Variants in KIF2A observed in about 807,000 individuals in gnomAD.
KIF2A encodes the protein kinesin family member 2A.
Under a neutral mutation model 100.2 loss-of-function variants are expected in KIF2A, and 22 were observed. The observed-to-expected ratio is 0.22, with a 90% confidence interval of 0.16 to 0.31. The LOEUF (loss-of-function observed/expected upper bound fraction) is 0.31, where lower values mean the gene tolerates loss of function less well. Among genes scored for constraint, KIF2A ranks in the 10% least tolerant of loss-of-function variants. The pLI, the probability that KIF2A is intolerant of heterozygous loss-of-function variation, is 1.00. For synonymous variants in KIF2A, 268 were observed against 285.9 expected (o/e 0.94, Z 0.63); for missense variants, 495 against 898.7 (o/e 0.55, Z 5.74).
intron 1 of KIF2A, among the ~76,000 whole-genome samples, chr5:62,337,920 G>C (rs1234925599): frequency 6.6e-6 from 1 of 152,056 alleles, no homozygotes; most frequent in East Asian, 1.9e-4. Flanking sequence ...ATTCCAGTCA[G>C]AATCCCAATA....
chr5:62,351,653 A>G (rs1368046048), intron 4 of KIF2A, among the ~76,000 whole-genome samples: 1 of 151,984 alleles, frequency 6.6e-6, no homozygotes, highest in Non-Finnish European at 1.5e-5. Flanking sequence ...ATGTAAATTT[A>G]TATTTCTTTT....
At chr5:62,353,535 A>T (rs1009986690) in intron 6 of KIF2A, among the ~76,000 whole-genome samples, 160 bp downstream of exon 6, 1 of 152,138 alleles carries the variant, frequency 6.6e-6, no homozygotes, top group Admixed American at 6.5e-5. Flanking sequence ...TCTTGTGCAA[A>T]TAAGTTACCG....
At chr5:62,383,866 A>G (rs921594108) in intron 20 of KIF2A, among the ~76,000 whole-genome samples, 2 of 152,170 alleles carry the variant, frequency 1.3e-5, no homozygotes, top group South Asian at 2.1e-4. Context: ...AAGCATATCC[A>G]TAACTTTTAA....
intron 20 of KIF2A, among the ~76,000 whole-genome samples, chr5:62,382,634 G>GTTT (rs35714674): frequency 5.2e-5 from 7 of 134,798 alleles, no homozygotes; most frequent in Admixed American, 7.6e-5. Context: ...CAGGTTTCAG[G>GTTT]TTTTTTTTTT....
In KIF2A at chr5:62,377,754, G is replaced by A; in HGVS notation, c.2005G>A (p.Val669Met). The A allele has an allele frequency of 6.6e-7, 1 of 1,512,492 alleles. No homozygotes were observed. Among genetic ancestry groups the A allele is most frequent in the Non-Finnish European group, 9.0e-7 (1 of 1,115,488 alleles). The allele number at this position is 1,512,492 out of a possible 1,614,324, so 93.7% of individuals were successfully genotyped here. ...EEQVVEDHRAVFQESIRWLED... is the reference protein window; with the variant it reads ...EEQVVEDHRAMFQESIRWLED... The stretch of plus-strand genomic sequence containing the variant: ...ACAAGTTGTAGAAGATCACAGGGCA[G>A]TGTTCCAGGTAAAGTAAGACAGGAC... The change falls in exon 19 of 21, where the codon GTG becomes ATG. Residue 669 changes from valine to methionine, a missense_variant. Physicochemically the swap from Val to Met is conservative, Grantham distance 21 (BLOSUM62 1). Around this residue, in one of 10 missense-constraint regions of KIF2A, gnomAD observed 58 missense variants for 94.8 expected, o/e 0.61. Coordinates refer to ENST00000407818, the MANE Select transcript of KIF2A (RefSeq NM_001098511.3).
At chr5:62,318,934 C>G (rs1283622569) in intron 1 of KIF2A, among the ~76,000 whole-genome samples, 1 of 152,166 alleles carries the variant, frequency 6.6e-6, no homozygotes, top group Non-Finnish European at 1.5e-5. Context: ...ATTTCTCATT[C>G]ACTCTATTGC....
intron 1 of KIF2A, among the ~76,000 whole-genome samples, chr5:62,339,323 C>G (rs1056093690): frequency 6.6e-6 from 1 of 151,266 alleles, no homozygotes; most frequent in Non-Finnish European, 1.5e-5. Context: ...TGGTGCTAAA[C>G]CATTCATGAG....
At chr5:62,361,179 A>C (rs1185918335) in intron 9 of KIF2A, 63 bp from the exon 10 acceptor site, 6 of 794,400 alleles carry the variant, frequency 7.6e-6, no homozygotes, top group Non-Finnish European at 1.2e-5. Flanking sequence ...TGTATTACTC[A>C]GCATTACTAT....
At chr5:62,307,131 C>CT (rs386403932) in intron 1 of KIF2A, 1 of 2,558 alleles carries the variant, frequency 3.9e-4, no homozygotes, top group Non-Finnish European at 1.2e-3. Context: ...TTTGCCACTT[C>CT]TTGGGAGAAA....
chr5:62,353,193 G>T (rs1747942432), intron 5 of KIF2A, 82 bp from the exon 6 acceptor site: 4 of 643,796 alleles, frequency 6.2e-6, no homozygotes, highest in Admixed American at 3.6e-5. Flanking sequence ...TGTGTGTGTG[G>T]TGAAGTTATA....
chr5:62,386,384 G>A lies in KIF2A; in HGVS notation c.*815G>A, dbSNP rs183228722. 9.8e-5 allele frequency: 15 copies of A among 152,342 alleles called. No individual in the cohort carries two copies. In the East Asian group the frequency reaches 2.7e-3, roughly 27 times the overall value. 9.4% of individuals were successfully genotyped at this position (152,342 alleles called of 1,614,324 possible). ...ATAATAAAAAGTAATGAAATTCTGA[G>A]AAGAGTTTTATCTTAGGAAAATACA... On this transcript the variant is annotated 3_prime_UTR_variant, in exon 21 of 21. Coordinates refer to ENST00000407818, the MANE Select transcript of KIF2A (RefSeq NM_001098511.3).
intron 7 of KIF2A, among the ~76,000 whole-genome samples, 152 bp from the exon 8 acceptor site, chr5:62,357,539 A>G (rs1364280483): frequency 6.6e-6 from 1 of 152,218 alleles, no homozygotes; most frequent in Non-Finnish European, 1.5e-5. Context: ...AACCATTAAA[A>G]TTTGTGCAAA....
In KIF2A at chr5:62,381,242, C is replaced by T; in HGVS notation, c.2138C>T (p.Thr713Ile). 6.2e-7 allele frequency: 1 copy of T among 1,612,438 alleles called. No homozygotes were observed. The highest frequency in any genetic ancestry group is 8.5e-7 in the Non-Finnish European group (1 of 1,178,696). Residue 713 changes from threonine (T) to isoleucine (I), a missense_variant, in exon 20 of 21, where the codon ACT becomes ATT. Around this residue, in one of 10 missense-constraint regions of KIF2A, gnomAD observed 58 missense variants for 94.8 expected, o/e 0.61. Transcript: ENST00000407818. ...AILEQKIDIL[T>I]ELRDKVKSFR... ...CTTGAGCAAAAAATAGACATTTTAA[C>T]TGAACTGCGGGGTAATTCTTTTTCC...
At position 62,361,233 on chromosome 5, in the gene KIF2A, AT is replaced by A; in HGVS notation, c.873-4del. ...TGACACATTCTGACTGATGCATTTT[AT>A]TTTTAAGGTTTACTGCTAGACCACT... On this transcript the variant is annotated splice_polypyrimidine_tract_variant and splice_region_variant and intron_variant, in intron 9 of 20. Transcript: ENST00000407818. The A allele has an allele frequency of 6.5e-7, 1 of 1,539,868 alleles. No individual in the cohort carries two copies. The highest frequency in any genetic ancestry group is 1.2e-5 in the South Asian group (1 of 85,552).
chr5:62,390,796 T>C lies in KIF2A; in HGVS notation c.*5227T>C, dbSNP rs1742274261. ...TCTCCCAGGTAGCACCTTATACCGC[T>C]TAAAAGCCTTTAAAATCTCCAATCT... On this transcript the variant is annotated 3_prime_UTR_variant, in exon 21 of 21. Transcript: ENST00000407818. 5 of 1,214,880 alleles carry C rather than the reference T, an allele frequency of 4.1e-6. No homozygotes were observed. In the South Asian group the frequency reaches 6.0e-5, roughly 15 times the overall value. The allele number at this position is 1,214,880 out of a possible 1,614,324, so 75.3% of individuals were successfully genotyped here.
intron 1 of KIF2A, among the ~76,000 whole-genome samples, chr5:62,343,028 A>C (rs556123297): frequency 6.6e-6 from 1 of 152,280 alleles, no homozygotes; most frequent in South Asian, 2.1e-4. Flanking sequence ...CTGGGATTAC[A>C]GGCGTGAGCC....
intron 1 of KIF2A, among the ~76,000 whole-genome samples, chr5:62,327,906 T>C (rs149502221): frequency 3.3e-5 from 5 of 152,184 alleles, no homozygotes; most frequent in African/African-American, 1.2e-4. Flanking sequence ...AAGATCCCTG[T>C]CTCGTTAGGA....
intron 18 of KIF2A, among the ~76,000 whole-genome samples, chr5:62,375,987 A>T (rs916620946): frequency 1.3e-5 from 2 of 152,230 alleles, no homozygotes; most frequent in African/African-American, 2.4e-5. Flanking sequence ...TATGTCCAGA[A>T]TTTTTAAGAG....
In KIF2A at chr5:62,329,145, G is replaced by T. The variant is rs572231411; in HGVS notation, c.65-17985G>T. Among the ~76,000 whole-genome samples, 145 of 152,136 alleles carry T rather than the reference G, an allele frequency of 9.5e-4. 1 individual carries two copies. Among genetic ancestry groups the T allele is most frequent in the African/African-American group, 3.4e-3 (141 of 41,492 alleles). ...TTTCTCTCCTTGTTCCAAACTTTCA[G>T]GTTTGTGTTTAATGTCTAAGAAAGG... On this transcript the variant is annotated intron_variant, in intron 1 of 20. Transcript: ENST00000407818.
Sources: gnomAD v4.1 joint callset for allele counts (sites outside exome capture counted in the v4.1 genomes callset) on GRCh38, gnomAD v4.1.1 for gene constraint, gnomAD v4.1.1 regional missense constraint, MANE v1.5 for transcripts, NCBI Gene and HGNC (gene_info 2026-07-23, HGNC 2026-07-21) for gene names.